USP28: variants seen among roughly 807,000 people sequenced by gnomAD.
USP28 encodes the protein ubiquitin carboxyl-terminal hydrolase 28.
USP28 carries 113 observed loss-of-function variants against 145.0 expected under a neutral mutation model. That is an observed-to-expected ratio of 0.78 (90% CI 0.67 to 0.91). USP28 has a LOEUF of 0.91. USP28 is among the 40% of genes least tolerant of loss of function. The pLI, the probability that USP28 is intolerant of heterozygous loss-of-function variation, is 0.00. For missense variants in USP28, 1,201 were observed against 1,289.6 expected, an observed-to-expected ratio of 0.93 and a Z score of 1.05; for synonymous variants, 447 against 450.9, an observed-to-expected ratio of 0.99 and a Z score of 0.11.
chr11:113,838,263 C>G (rs7110680), intron 5 of USP28, among the ~76,000 whole-genome samples: 77,296 of 152,020 alleles, frequency 0.51, 20,900 homozygotes, highest in Non-Finnish European at 0.61. Flanking sequence ...CTCTCTCTAT[C>G]CTTTCAGATA....
chr11:113,827,478 G>A, intron 10 of USP28, 118 bp from the exon 11 acceptor site: 1 of 1,067,448 alleles, frequency 9.4e-7, no homozygotes, highest in South Asian at 2.1e-5. Flanking sequence ...TTATACTCAA[G>A]GCAAACTCAT....
chr11:113,851,900 AATTT>A (rs1449683212), intron 3 of USP28, among the ~76,000 whole-genome samples: 1 of 152,098 alleles, frequency 6.6e-6, no homozygotes, highest in African/African-American at 2.4e-5. Flanking sequence ...ATATATTAAT[AATTT>A]ATTTACTTGT....
At chr11:113,865,132 T>C (rs1249601721) in intron 1 of USP28, among the ~76,000 whole-genome samples, 5 of 152,116 alleles carry the variant, frequency 3.3e-5, no homozygotes, top group African/African-American at 7.2e-5. Flanking sequence ...AGGCACTGCG[T>C]CTGGCCACGA....
At chr11:113,829,588 G>A in intron 9 of USP28, 1 of 437,770 alleles carries the variant, frequency 2.3e-6, no homozygotes, top group Non-Finnish European at 4.0e-6. Context: ...ACCACTTTGG[G>A]AGGCCAAGGT....
chr11:113,815,108 T>TTAA, intron 14 of USP28, 66 bp downstream of exon 14: 1 of 1,447,496 alleles, frequency 6.9e-7, no homozygotes, highest in African/African-American at 1.4e-5. Context: ...ACCGAGGTGC[T>TTAA]TAACCTCCAA....
rs183026308 is a variant in USP28, at chr11:113,811,110, A to G, written c.1972+1166T>C. Among the ~76,000 whole-genome samples the G allele has an allele frequency of 3.5e-3, 533 of 152,370 alleles. 2 individuals are homozygous for G. Among genetic ancestry groups the G allele is most frequent in the Non-Finnish European group, 4.8e-3 (324 of 68,032 alleles). Reference sequence around the variant, plus strand: ...AGAAAGAGAGAATAATGTAAATTGAAAACACCACAGAATTTGGAGAATTGT... The same window carrying G: ...AGAAAGAGAGAATAATGTAAATTGAGAACACCACAGAATTTGGAGAATTGT... On this transcript the variant is annotated intron_variant, in intron 16 of 24. Coordinates refer to ENST00000003302, the Ensembl canonical transcript of USP28.
exon 2 of USP28, chr11:113,854,290 G>C (rs1335102914): frequency 1.9e-6 from 3 of 1,614,028 alleles, no homozygotes; most frequent in Non-Finnish European, 2.5e-6. Context: ...GAAGGGTCCT[G>C]AATGCCTGTG....
chr11:113,806,715 C>G, intron 18 of USP28, 131 bp from the exon 20 acceptor site: 1 of 574,500 alleles, frequency 1.7e-6, no homozygotes, highest in Non-Finnish European at 2.9e-6. Flanking sequence ...GCATGTATTG[C>G]AAGCTGAGTT....
At chr11:113,804,927 C>T in exon 20 of USP28, 2 of 1,614,192 alleles carry the variant, frequency 1.2e-6, no homozygotes, top group South Asian at 1.1e-5. Flanking sequence ...GTTCTACTAC[C>T]CTTTTGGGTG....
chr11:113,868,005 T>C (rs1948464330), intron 1 of USP28, among the ~76,000 whole-genome samples: 1 of 152,294 alleles, frequency 6.6e-6, no homozygotes, highest in African/African-American at 2.4e-5. Context: ...TTTGGTTTTG[T>C]GTGTCTGATA....
At chr11:113,802,328 A>G (rs1365350547) in intron 23 of USP28, among the ~76,000 whole-genome samples, 2 of 152,260 alleles carry the variant, frequency 1.3e-5, no homozygotes, top group Non-Finnish European at 2.9e-5. Context: ...ACCTATAACT[A>G]ATACAGATGT....
chr11:113,840,501 C>A (rs185125774), intron 5 of USP28, 97 bp downstream of exon 5: 1 of 1,427,352 alleles, frequency 7.0e-7, no homozygotes, highest in Admixed American at 2.3e-5. Context: ...TTTTAAATAT[C>A]TATTTTAATC....
chr11:113,809,031 T>C (rs745335465), intron 17 of USP28, 32 bp downstream of exon 17: 3 of 1,601,552 alleles, frequency 1.9e-6, no homozygotes, highest in Admixed American at 3.4e-5. Context: ...GAGATGTTAC[T>C]GGATCACTGG....
chr11:113,829,249 T>A (rs764504276), exon 10 of USP28: 15 of 1,614,118 alleles, frequency 9.3e-6, no homozygotes, highest in Non-Finnish European at 1.3e-5. Context: ...AACATCACCC[T>A]CCACCATGGC....
chr11:113,854,503 G>A (rs999684521), intron 1 of USP28, among the ~76,000 whole-genome samples, 168 bp from the exon 2 acceptor site: 1 of 152,216 alleles, frequency 6.6e-6, no homozygotes, highest in African/African-American at 2.4e-5. Flanking sequence ...CCAGGTTCAA[G>A]CGATTCTCCT....
At chr11:113,869,518 G>A (rs1397887140) in intron 1 of USP28, among the ~76,000 whole-genome samples, 1 of 152,136 alleles carries the variant, frequency 6.6e-6, no homozygotes, top group African/African-American at 2.4e-5. Context: ...TTGGGTCTGG[G>A]TGGTCAAGGC....
chr11:113,805,103 G>T, intron 19 of USP28, 57 bp from the exon 21 acceptor site: 1 of 1,529,838 alleles, frequency 6.5e-7, no homozygotes, highest in Non-Finnish European at 8.9e-7. Flanking sequence ...TCTGCACACA[G>T]AAATTGATGC....
chr11:113,812,414 T>C lies in USP28; in HGVS notation c.1834A>G (p.Ser612Gly). The change falls in exon 16 of 25, where the codon AGC becomes GGC. Residue 612 changes from serine to glycine, a missense_variant. By Grantham distance (56) the Ser-to-Gly change is moderately conservative. Coordinates refer to ENST00000003302, the Ensembl canonical transcript of USP28. ...GAGATGTCATTGTACTTGAGCCAGC[T>C]CTGTCGGGGTTGATTATAGATATAG... The C allele has an allele frequency of 5.6e-6, 9 of 1,614,148 alleles. No individual in the cohort carries two copies. Among genetic ancestry groups the C allele is most frequent in the Non-Finnish European group, 7.6e-6 (9 of 1,180,028 alleles).
intron 2 of USP28, among the ~76,000 whole-genome samples, chr11:113,853,910 C>T (rs181666835): frequency 3.4e-5 from 5 of 146,162 alleles, no homozygotes; most frequent in Admixed American, 2.8e-4. Flanking sequence ...TATATACATA[C>T]CTTAAGAATA....
Sources: gnomAD v4.1 joint callset for allele counts (sites outside exome capture counted in the v4.1 genomes callset) on GRCh38, gnomAD v4.1.1 for gene constraint, MANE v1.5 for transcripts, NCBI Gene and HGNC (gene_info 2026-07-23, HGNC 2026-07-21) for gene names.